Variants in TTC28 observed in about 807,000 individuals in gnomAD.
The protein encoded by TTC28 is tetratricopeptide repeat protein 28.
In TTC28, 61 loss-of-function variants were observed where a neutral mutation model predicts 198.0. The ratio of observed to expected loss-of-function variants is 0.31; its 90% CI spans 0.25 to 0.38. The LOEUF (loss-of-function observed/expected upper bound fraction) is 0.38, where lower values mean the gene tolerates loss of function less well. TTC28 is among the 10% of genes least tolerant of loss of function. The pLI, the probability that TTC28 is intolerant of heterozygous loss-of-function variation, is 1.00. For synonymous variants in TTC28, 1,171 were observed against 1,297.8 expected (o/e 0.90, Z 2.10); for missense variants, 2,678 against 3,164.0 (o/e 0.85, Z 3.69).
At chr22:28,076,256 T>G (rs1941162335) in intron 12 of TTC28, among the ~76,000 whole-genome samples, 1 of 152,308 alleles carries the variant, frequency 6.6e-6, no homozygotes, top group Middle Eastern at 3.4e-3. Flanking sequence ...TTTTAAATGT[T>G]CAAAGACCCA....
chr22:28,229,466 A>G (rs924772956), intron 5 of TTC28, among the ~76,000 whole-genome samples: 2 of 152,220 alleles, frequency 1.3e-5, no homozygotes, highest in Admixed American at 1.3e-4. Flanking sequence ...AACCTTATAG[A>G]CCTATTCTAG....
At chr22:28,029,022 GGTAA>G (rs950389761) in intron 13 of TTC28, 2 of 471,026 alleles carry the variant, frequency 4.2e-6, no homozygotes, top group South Asian at 1.5e-5. Context: ...ACCTGGTGGA[GGTAA>G]GTGTCACCTG....
intron 6 of TTC28, among the ~76,000 whole-genome samples, chr22:28,112,622 A>G (rs1197052976): frequency 6.6e-6 from 1 of 151,936 alleles, no homozygotes; most frequent in Non-Finnish European, 1.5e-5. Context: ...AACATGACAC[A>G]CTCTTGGCAG....
chr22:28,314,181 A>T (rs977371373), intron 2 of TTC28, among the ~76,000 whole-genome samples: 2 of 152,216 alleles, frequency 1.3e-5, no homozygotes, highest in African/African-American at 4.8e-5. Flanking sequence ...CTTCAAGGAG[A>T]ACTACAAACT....
intron 2 of TTC28, among the ~76,000 whole-genome samples, chr22:28,598,817 A>G (rs912628042): frequency 1.3e-5 from 2 of 152,204 alleles, no homozygotes; most frequent in South Asian, 2.1e-4. Flanking sequence ...CACTACATAT[A>G]ACAAGAATGA....
At chr22:28,657,953 G>A (rs939344794) in intron 1 of TTC28, among the ~76,000 whole-genome samples, 2 of 152,026 alleles carry the variant, frequency 1.3e-5, no homozygotes, top group East Asian at 1.9e-4. Context: ...AATGGTCCAT[G>A]TTCCTTAATA....
At chr22:28,436,059 C>T (rs1055772370) in intron 2 of TTC28, among the ~76,000 whole-genome samples, 1 of 152,174 alleles carries the variant, frequency 6.6e-6, no homozygotes, top group South Asian at 2.1e-4. Flanking sequence ...ACAACCACCA[C>T]CTCATAACTG....
intron 2 of TTC28, among the ~76,000 whole-genome samples, chr22:28,452,659 T>A (rs1226033733): frequency 1.3e-5 from 2 of 152,108 alleles, no homozygotes; most frequent in East Asian, 1.9e-4. Flanking sequence ...ATAACCATAG[T>A]CATTTTGTGG....
In TTC28 at chr22:27,993,268, C is replaced by T. The variant is rs1937480096; in HGVS notation, c.5476+19G>A. 9 of 1,505,020 alleles carry T rather than the reference C, an allele frequency of 6.0e-6. No individual in the cohort carries two copies. Among genetic ancestry groups the T allele is most frequent in the Non-Finnish European group, 7.1e-6 (8 of 1,125,848 alleles). The allele number at this position is 1,505,020 out of a possible 1,614,324, so 93.2% of individuals were successfully genotyped here. A position where few individuals can be genotyped will look rare whatever the true frequency, so the allele number is the denominator to read the frequency against. ...CTGTCAGCCAGGCCTGTTGCCCCAG[C>T]CCTACACCCACAGCTCACCCAGCAG... On this transcript the variant is annotated intron_variant, in intron 18 of 22. Transcript: ENST00000397906.
intron 2 of TTC28, among the ~76,000 whole-genome samples, chr22:28,583,205 TAA>T (rs1281804694): frequency 6.6e-6 from 1 of 152,156 alleles, no homozygotes; most frequent in African/African-American, 2.4e-5. Flanking sequence ...AATCATTTTT[TAA>T]AAAAATGAGG....
chr22:28,288,681 C>T (rs907999926), intron 5 of TTC28, among the ~76,000 whole-genome samples: 1 of 151,384 alleles, frequency 6.6e-6, no homozygotes, highest in African/African-American at 2.4e-5. Flanking sequence ...GGCGTTGTGG[C>T]GGGTGCCTGT....
At chr22:28,320,829 T>C (rs2045434611) in intron 2 of TTC28, among the ~76,000 whole-genome samples, 1 of 152,184 alleles carries the variant, frequency 6.6e-6, no homozygotes, top group East Asian at 1.9e-4. Context: ...TTTTCTAAAA[T>C]AGCTCCCAGT....
chr22:28,488,207 T>A (rs1049126579), intron 2 of TTC28, among the ~76,000 whole-genome samples: 6 of 152,040 alleles, frequency 3.9e-5, no homozygotes, highest in Non-Finnish European at 8.8e-5. Flanking sequence ...CTCAAGATAG[T>A]CTACATGTCT....
intron 2 of TTC28, among the ~76,000 whole-genome samples, chr22:28,428,721 C>G (rs1416458404): frequency 6.6e-6 from 1 of 151,866 alleles, no homozygotes; most frequent in African/African-American, 2.4e-5. Flanking sequence ...TCACTGCAAG[C>G]TCCGCCTCCC....
At chr22:28,493,736 T>C (rs1226866919) in intron 2 of TTC28, among the ~76,000 whole-genome samples, 1 of 152,138 alleles carries the variant, frequency 6.6e-6, no homozygotes, top group African/African-American at 2.4e-5. Context: ...ACCCAAAATA[T>C]TGCAATTATG....
chr22:28,214,896 G>A (rs949425032), intron 5 of TTC28, among the ~76,000 whole-genome samples: 10 of 152,082 alleles, frequency 6.6e-5, no homozygotes, highest in Non-Finnish European at 1.5e-4. Context: ...TGTCCATCAA[G>A]GATAGAATGG....
rs145694997 is a variant in TTC28 at position 28,083,291 on chromosome 22, T to C, written c.3932+10789A>G. On this transcript the variant is annotated intron_variant, in intron 12 of 22. Transcript: ENST00000397906. ...GAGTAGAGAGACAGAAATTACAGGG[T>C]ACATTTAGAGAGCAAAGAAGGCATA... Among the ~76,000 whole-genome samples the C allele has an allele frequency of 2.1e-3, 312 of 151,932 alleles. 5 individuals are homozygous for C. The highest frequency in any genetic ancestry group is 7.2e-3 in the African/African-American group (299 of 41,430).
chr22:28,593,926 T>C (rs2050487706), intron 2 of TTC28, among the ~76,000 whole-genome samples: 2 of 152,124 alleles, frequency 1.3e-5, no homozygotes, highest in Non-Finnish European at 2.9e-5. Flanking sequence ...TGAGGTATTT[T>C]GCACTCTTAA....
At position 27,985,344 on chromosome 22, in the gene TTC28, C is replaced by G; in HGVS notation, c.5720G>C (p.Cys1907Ser). 6.4e-7 allele frequency: 1 copy of G among 1,551,128 alleles called. No individual in the cohort carries two copies. Among genetic ancestry groups the G allele is most frequent in the Non-Finnish European group, 8.7e-7 (1 of 1,146,614 alleles). The change falls in exon 22 of 23, where the codon TGT becomes TCT. Residue 1907 changes from cysteine to serine, a missense_variant. Transcript: ENST00000397906. ...EFLAALGFDL[C>S]EVGQEEVILK... is the part of the protein sequence containing the mutation. The stretch of plus-strand genomic sequence containing the variant: ...GATTACTTCCTCCTGACCAACTTCA[C>G]AGAGATCAAAACCTAGAGGAACAAA...
Sources: gnomAD v4.1 joint callset for allele counts (sites outside exome capture counted in the v4.1 genomes callset) on GRCh38, gnomAD v4.1.1 for gene constraint, MANE v1.5 for transcripts, NCBI Gene and HGNC (gene_info 2026-07-23, HGNC 2026-07-21) for gene names.